Variants in IPO11 observed in about 807,000 individuals in gnomAD.
IPO11 encodes importin-11.
Under a neutral mutation model 143.2 loss-of-function variants are expected in IPO11, and 66 were observed. The ratio of observed to expected loss-of-function variants is 0.46; its 90% CI spans 0.38 to 0.57. The LOEUF (loss-of-function observed/expected upper bound fraction) is 0.57, where lower values mean the gene tolerates loss of function less well. Ranked by LOEUF, IPO11 falls within the 20% of genes least tolerant of loss-of-function variation. The probability of loss-of-function intolerance (pLI) is 0.00; values close to 1 mark genes in which losing one functional copy is unlikely to be tolerated. For synonymous variants in IPO11, 385 were observed against 377.8 expected (o/e 1.02, Z -0.22); for missense variants, 1,026 against 1,141.0 (o/e 0.90, Z 1.45).
chr5:62,416,877 A>C (rs1471878478), intron 1 of IPO11, among the ~76,000 whole-genome samples: 3 of 151,856 alleles, frequency 2.0e-5, no homozygotes, highest in Non-Finnish European at 4.4e-5. Context: ...GGTGAGGCGC[A>C]GGCCACCATG....
chr5:62,519,168 A>G (rs1742126315), intron 20 of IPO11, among the ~76,000 whole-genome samples: 1 of 152,218 alleles, frequency 6.6e-6, no homozygotes, highest in Admixed American at 6.5e-5. Flanking sequence ...TGAGAGTGGT[A>G]AAGGTGTTTT....
At chr5:62,500,812 C>G (rs532210344) in intron 16 of IPO11, among the ~76,000 whole-genome samples, 59 of 152,122 alleles carry the variant, frequency 3.9e-4, no homozygotes, top group Non-Finnish European at 6.6e-4. Flanking sequence ...CTGTGCTGTA[C>G]TTTTATACTA....
chr5:62,553,338 G>A (rs1743456816), intron 26 of IPO11, among the ~76,000 whole-genome samples: 1 of 112,014 alleles, frequency 8.9e-6, no homozygotes, highest in Non-Finnish European at 1.9e-5. Flanking sequence ...GTGTGTGTGT[G>A]TGTGTGTGTG....
chr5:62,537,182 A>G (rs1561353444), intron 23 of IPO11, 27 bp from the exon 24 acceptor site: 7 of 1,342,016 alleles, frequency 5.2e-6, no homozygotes, highest in African/African-American at 1.5e-5. Context: ...ATATTCTTAC[A>G]TATATTGACT....
At chr5:62,504,531 C>T in intron 16 of IPO11, 136 bp from the exon 17 acceptor site, 1 of 554,364 alleles carries the variant, frequency 1.8e-6, no homozygotes, top group Non-Finnish European at 3.2e-6. Context: ...CCCTTTATTT[C>T]TGAATATTTA....
chr5:62,482,242 G>A (rs933584553), intron 9 of IPO11, among the ~76,000 whole-genome samples: 4 of 152,086 alleles, frequency 2.6e-5, no homozygotes, highest in Non-Finnish European at 5.9e-5. Flanking sequence ...ACCAGCTCCT[G>A]GATTCATTGA....
intron 29 of IPO11, among the ~76,000 whole-genome samples, chr5:62,622,613 A>G: frequency 6.6e-6 from 1 of 152,152 alleles, no homozygotes; most frequent in South Asian, 2.1e-4. Flanking sequence ...TACTTTGTCT[A>G]ATTGCTTGAG....
Position 62,591,562 on chromosome 5 carries a change from T to C in IPO11, c.2583-15T>C, listed in dbSNP as rs778160477. On this transcript the variant is annotated splice_polypyrimidine_tract_variant and intron_variant, in intron 27 of 29. Transcript: ENST00000325324. ...AGTATTCCAGTTAACCTGTTTTGCT[T>C]TTCTTTTATTCTAGTGTTATCCAAG... 5.3e-6 allele frequency: 8 copies of C among 1,514,406 alleles called. No individual in the cohort carries two copies. The highest frequency in any genetic ancestry group is 7.2e-6 in the Non-Finnish European group (8 of 1,109,690). The allele number at this position is 1,514,406 out of a possible 1,614,324, so 93.8% of individuals were successfully genotyped here. A position where few individuals can be genotyped will look rare whatever the true frequency, so the allele number is the denominator to read the frequency against.
intron 1 of IPO11, chr5:62,419,238 T>C (rs1743411979): frequency 8.4e-7 from 1 of 1,194,478 alleles, no homozygotes; most frequent in Non-Finnish European, 1.1e-6. Context: ...GAATGGAGCT[T>C]GGAGGACTGG....
chr5:62,505,144 G>C (rs892330901), intron 18 of IPO11, among the ~76,000 whole-genome samples: 1 of 150,984 alleles, frequency 6.6e-6, no homozygotes, highest in African/African-American at 2.4e-5. Flanking sequence ...TGTTGAAGTT[G>C]GTTGTCAAAC....
chr5:62,547,023 A>T (rs1438162310), intron 24 of IPO11, among the ~76,000 whole-genome samples: 1 of 152,166 alleles, frequency 6.6e-6, no homozygotes, highest in East Asian at 1.9e-4. Context: ...AAAAATAAAA[A>T]CAATTCCTAA....
intron 4 of IPO11, 91 bp from the exon 5 acceptor site, chr5:62,451,639 G>T: frequency 1.0e-6 from 1 of 953,904 alleles, no homozygotes; most frequent in South Asian, 1.5e-5. Context: ...ATTCATTTTT[G>T]TCAAGTGTAT....
At chr5:62,477,335 A>C (rs1177548514) in intron 9 of IPO11, among the ~76,000 whole-genome samples, 1 of 152,198 alleles carries the variant, frequency 6.6e-6, no homozygotes, top group Non-Finnish European at 1.5e-5. Context: ...TAAAATAGGT[A>C]CTTGAAGACA....
rs559453151 is a variant in IPO11, at chr5:62,444,558, G to A, written c.239+1475G>A. On this transcript the variant is annotated intron_variant, in intron 3 of 29. Coordinates refer to ENST00000325324, the MANE Select transcript of IPO11 (RefSeq NM_016338.5). ...CTGCTAAAATTCATTTTGTTTTAGT[G>A]GTTATATAAAGGATACAATTATAAA... Among the ~76,000 whole-genome samples, 8 of 151,970 alleles carry A rather than the reference G, an allele frequency of 5.3e-5. No homozygotes were observed. In the South Asian group the frequency reaches 1.2e-3, roughly 24 times the overall value.
intron 28 of IPO11, among the ~76,000 whole-genome samples, chr5:62,593,340 A>C (rs958301843): frequency 1.4e-4 from 21 of 152,318 alleles, no homozygotes; most frequent in African/African-American, 4.1e-4. Flanking sequence ...GGAATTAAAA[A>C]TCAGGATATC....
intron 27 of IPO11, among the ~76,000 whole-genome samples, chr5:62,570,557 C>A (rs758520029): frequency 7.9e-5 from 12 of 152,136 alleles, no homozygotes; most frequent in Non-Finnish European, 1.2e-4. Context: ...GCACTGAGGG[C>A]ACATTGTACT....
At chr5:62,473,615 C>T (rs964701305) in intron 7 of IPO11, among the ~76,000 whole-genome samples, 2 of 152,100 alleles carry the variant, frequency 1.3e-5, no homozygotes, top group Non-Finnish European at 2.9e-5. Flanking sequence ...GGAAAGCCAT[C>T]ATCATCCAGT....
intron 15 of IPO11, among the ~76,000 whole-genome samples, chr5:62,492,249 T>G (rs1163628941): frequency 6.6e-6 from 1 of 152,228 alleles, no homozygotes. Flanking sequence ...TAATATGGTC[T>G]TAGTCCCAAA....
At chr5:62,586,885 T>A (rs1196547599) in intron 27 of IPO11, among the ~76,000 whole-genome samples, 1 of 149,514 alleles carries the variant, frequency 6.7e-6, no homozygotes, top group East Asian at 2.0e-4. Context: ...TAATTACCAA[T>A]TCTCTGATAA....
Sources: gnomAD v4.1 joint callset for allele counts (sites outside exome capture counted in the v4.1 genomes callset) on GRCh38, gnomAD v4.1.1 for gene constraint, MANE v1.5 for transcripts, NCBI Gene and HGNC (gene_info 2026-07-23, HGNC 2026-07-21) for gene names.